Variants in CCDC191 observed in about 807,000 individuals in gnomAD.
CCDC191 encodes the protein coiled-coil domain-containing protein 191.
In CCDC191, 99 loss-of-function variants were observed where a neutral mutation model predicts 114.0. That is an observed-to-expected ratio of 0.87 (90% CI 0.74 to 1.03). The LOEUF is 1.03. CCDC191 is among the 50% of genes least tolerant of loss of function. CCDC191 has a pLI of 0.00. For synonymous variants in CCDC191, 351 were observed against 376.0 expected, an observed-to-expected ratio of 0.93 and a Z score of 0.77; for missense variants, 973 against 1,087.0, an observed-to-expected ratio of 0.90 and a Z score of 1.47.
intron 11 of CCDC191, chr3:114,002,957 C>G (rs968698744): frequency 2.2e-5 from 22 of 984,666 alleles, no homozygotes; most frequent in Middle Eastern, 1.0e-3. Flanking sequence ...CCTATTGAAT[C>G]TGCTAATTTT....
intron 7 of CCDC191, among the ~76,000 whole-genome samples, chr3:114,022,566 G>C (rs1294527530): frequency 1.3e-5 from 2 of 152,142 alleles, no homozygotes; most frequent in East Asian, 1.9e-4. Flanking sequence ...TAATGGTCTA[G>C]GGAAGTTGGC....
intron 7 of CCDC191, among the ~76,000 whole-genome samples, chr3:114,020,953 A>C (rs1460148865): frequency 6.6e-6 from 1 of 152,140 alleles, no homozygotes; most frequent in Non-Finnish European, 1.5e-5. Flanking sequence ...ACTATAAAAT[A>C]AAGATTGTAG....
intron 7 of CCDC191, among the ~76,000 whole-genome samples, chr3:114,031,119 GA>G (rs2076398371): frequency 6.6e-6 from 1 of 152,100 alleles, no homozygotes; most frequent in South Asian, 2.1e-4. Flanking sequence ...TAAAGTGAAA[GA>G]AAGGAAGAAA....
chr3:114,046,909 C>A, intron 2 of CCDC191, 177 bp from the exon 3 acceptor site: 1 of 975,474 alleles, frequency 1.0e-6, no homozygotes, highest in Non-Finnish European at 1.2e-6. Flanking sequence ...TGGGAGGTTT[C>A]ATATATAATA....
chr3:114,003,218 C>G, intron 11 of CCDC191: 1 of 985,312 alleles, frequency 1.0e-6, no homozygotes, highest in Non-Finnish European at 1.2e-6. Flanking sequence ...TAATATGACT[C>G]TATAATCAGT....
At position 114,045,519 on chromosome 3, in the gene CCDC191, C is replaced by T. The variant is rs1356610929; in HGVS notation, c.271+1072G>A. On this transcript the variant is annotated intron_variant, in intron 3 of 16. Transcript: ENST00000295878. ...CCCAAGTAGCTGGGATTACAGGCAC[C>T]CACCACCATGCCCTGCTAAATCCTT... 2.0e-5 allele frequency among the ~76,000 whole-genome samples: 3 copies of T among 152,136 alleles called. No individual in the cohort carries two copies. The South Asian group carries it at 6.2e-4, about 32-fold the overall frequency.
intron 1 of CCDC191, 35 bp from the exon 2 acceptor site, chr3:114,053,670 C>CA (rs771957973): frequency 2.6e-5 from 39 of 1,472,860 alleles, no homozygotes; most frequent in Non-Finnish European, 2.6e-5. Context: ...CAATACGCAG[C>CA]AATATCTTTA....
At chr3:114,038,762 C>G (rs1415283892) in intron 4 of CCDC191, among the ~76,000 whole-genome samples, 1 of 152,146 alleles carries the variant, frequency 6.6e-6, no homozygotes, top group Admixed American at 6.5e-5. Flanking sequence ...AGCCATCATC[C>G]TCAGCAAACT....
chr3:114,048,660 CT>C (rs1270334256), intron 2 of CCDC191, among the ~76,000 whole-genome samples: 1 of 152,194 alleles, frequency 6.6e-6, no homozygotes, highest in Non-Finnish European at 1.5e-5. Flanking sequence ...GTAAGGCCTT[CT>C]TTGACTACCC....
chr3:113,971,808 G>A (rs1465030708), intron 16 of CCDC191, among the ~76,000 whole-genome samples: 1 of 151,892 alleles, frequency 6.6e-6, no homozygotes, highest in African/African-American at 2.4e-5. Context: ...ATTAGGACCT[G>A]GGCTTTTCTT....
intron 9 of CCDC191, among the ~76,000 whole-genome samples, chr3:114,006,587 G>GAT (rs67264886): frequency 0.19 from 15,662 of 81,972 alleles, 995 homozygotes; most frequent in Admixed American, 0.26. Context: ...GGTTACTCCA[G>GAT]ATATATATAT....
chr3:114,043,282 T>C lies in CCDC191; in HGVS notation c.272-436A>G, dbSNP rs1026249939. 8.6e-5 allele frequency among the ~76,000 whole-genome samples: 13 copies of C among 151,990 alleles called. 1 individual carries two copies. The highest frequency in any genetic ancestry group is 5.2e-4 in the Admixed American group (8 of 15,240). ...GTTGGAAAAACAGCAAGGAGGCCAG[T>C]GTGGTCAGAGAGAAGTGAGGAGGAG... On this transcript the variant is annotated intron_variant, in intron 3 of 16. Transcript: ENST00000295878.
chr3:113,988,458 C>G (rs1332986078), intron 13 of CCDC191, among the ~76,000 whole-genome samples: 1 of 151,772 alleles, frequency 6.6e-6, no homozygotes, highest in African/African-American at 2.4e-5. Context: ...AAAACCTAGT[C>G]TCTACTAAAA....
At chr3:114,002,389 T>C (rs1015853337) in intron 12 of CCDC191, 67 bp downstream of exon 12, 7 of 1,206,892 alleles carry the variant, frequency 5.8e-6, no homozygotes, top group Non-Finnish European at 8.3e-6. Context: ...AAGCAAGGTT[T>C]CATTTTTTAA....
chr3:114,009,244 TA>T (rs2076025641), intron 9 of CCDC191, among the ~76,000 whole-genome samples: 1 of 152,158 alleles, frequency 6.6e-6, no homozygotes, highest in Non-Finnish European at 1.5e-5. Context: ...CTAAATTTAT[TA>T]GAATTTTTTT....
intron 3 of CCDC191, among the ~76,000 whole-genome samples, chr3:114,044,481 T>C (rs1197872239): frequency 3.9e-5 from 6 of 152,252 alleles, no homozygotes; most frequent in Non-Finnish European, 7.3e-5. Context: ...ATTATGATGA[T>C]CATTATTGCA....
At chr3:114,021,983 G>A (rs2076250989) in intron 7 of CCDC191, among the ~76,000 whole-genome samples, 1 of 152,072 alleles carries the variant, frequency 6.6e-6, no homozygotes, top group African/African-American at 2.4e-5. Context: ...TATCATAGTT[G>A]TGGTAATAAT....
At chr3:114,025,193 C>T (rs2076302522) in intron 7 of CCDC191, among the ~76,000 whole-genome samples, 1 of 150,834 alleles carries the variant, frequency 6.6e-6, no homozygotes, top group Admixed American at 6.6e-5. Context: ...CTGTTATATC[C>T]TGGAATATGT....
chr3:114,017,151 G>T (rs1167674192), intron 8 of CCDC191, among the ~76,000 whole-genome samples: 1 of 147,534 alleles, frequency 6.8e-6, no homozygotes, highest in African/African-American at 2.5e-5. Flanking sequence ...TCCATGTCCT[G>T]GCATTCAAGG....
Sources: gnomAD v4.1 joint callset for allele counts (sites outside exome capture counted in the v4.1 genomes callset) on GRCh38, gnomAD v4.1.1 for gene constraint, MANE v1.5 for transcripts, NCBI Gene and HGNC (gene_info 2026-07-23, HGNC 2026-07-21) for gene names.